The following WWOX variants were observed in gnomAD, a reference collection of about 807,000 sequenced individuals.
WWOX encodes WW domain-containing oxidoreductase.
In WWOX, 69 loss-of-function variants were observed where a neutral mutation model predicts 46.2. That is an observed-to-expected ratio of 1.49 (90% CI 1.23 to 1.82). The LOEUF is 1.82. Ranked by LOEUF, WWOX falls within the 40% of genes most tolerant of loss-of-function variation. The probability of loss-of-function intolerance (pLI) is 0.00; values close to 1 mark genes in which losing one functional copy is unlikely to be tolerated. For synonymous variants in WWOX, 359 were observed against 202.6 expected, an observed-to-expected ratio of 1.77 and a Z score of -6.56; for missense variants, 919 against 542.6, an observed-to-expected ratio of 1.69 and a Z score of -6.89.
chr16:78,778,175 A>G (rs1343195835), intron 8 of WWOX, among the ~76,000 whole-genome samples: 3 of 152,136 alleles, frequency 2.0e-5, no homozygotes, highest in Non-Finnish European at 4.4e-5. Flanking sequence ...TTAGCTTTAT[A>G]GTTAAATCAG....
intron 8 of WWOX, among the ~76,000 whole-genome samples, chr16:78,725,839 G>A (rs545720054): frequency 2.0e-5 from 3 of 152,004 alleles, no homozygotes; most frequent in African/African-American, 4.8e-5. Flanking sequence ...TCCTTGGCTT[G>A]TAGGTGCATC....
At chr16:78,824,505 G>T (rs928319713) in intron 8 of WWOX, among the ~76,000 whole-genome samples, 2 of 152,280 alleles carry the variant, frequency 1.3e-5, no homozygotes, top group South Asian at 2.1e-4. Flanking sequence ...GTATTAGTTT[G>T]TTTTTCACGC....
intron 8 of WWOX, chr16:79,101,512 G>C (rs1054955167): frequency 6.6e-6 from 1 of 152,126 alleles, no homozygotes; most frequent in Non-Finnish European, 1.5e-5. Flanking sequence ...CCATATCCCA[G>C]CCTAAGGGAA....
At chr16:79,185,987 A>G (rs1291365209) in intron 8 of WWOX, among the ~76,000 whole-genome samples, 1 of 151,684 alleles carries the variant, frequency 6.6e-6, no homozygotes, top group Non-Finnish European at 1.5e-5. Flanking sequence ...TGTGTGTATT[A>G]TTAATATGTC....
intron 6 of WWOX, among the ~76,000 whole-genome samples, chr16:78,403,070 T>A (rs749745082): frequency 5.9e-5 from 9 of 152,356 alleles, no homozygotes; most frequent in Non-Finnish European, 1.2e-4. Flanking sequence ...CTGAACTCTA[T>A]TACAGCTCCA....
intron 8 of WWOX, among the ~76,000 whole-genome samples, chr16:78,468,738 C>G (rs1304609626): frequency 1.3e-5 from 2 of 152,162 alleles, no homozygotes; most frequent in Non-Finnish European, 2.9e-5. Context: ...TGGTACTTAC[C>G]TCAAAGAATT....
chr16:78,334,829 C>CAT (rs1555521527), intron 5 of WWOX, among the ~76,000 whole-genome samples: 259 of 129,724 alleles, frequency 2.0e-3, no homozygotes, highest in African/African-American at 6.9e-3. Context: ...CACACACACA[C>CAT]ACATACACAC....
intron 8 of WWOX, among the ~76,000 whole-genome samples, chr16:78,565,586 C>T (rs1387049751): frequency 6.6e-6 from 1 of 152,156 alleles, no homozygotes; most frequent in Admixed American, 6.5e-5. Flanking sequence ...ATAATCACTC[C>T]ATCTCAGGGT....
At chr16:78,807,641 T>C (rs554675915) in intron 8 of WWOX, among the ~76,000 whole-genome samples, 2 of 152,288 alleles carry the variant, frequency 1.3e-5, no homozygotes, top group South Asian at 2.1e-4. Context: ...TGGAAAGAAA[T>C]ATTCTCTTAG....
chr16:78,379,745 C>G (rs1464082561), intron 5 of WWOX, among the ~76,000 whole-genome samples: 1 of 152,186 alleles, frequency 6.6e-6, no homozygotes, highest in Non-Finnish European at 1.5e-5. Flanking sequence ...CAGCTAATTC[C>G]TAGGCAATCT....
intron 8 of WWOX, among the ~76,000 whole-genome samples, chr16:78,954,182 A>ATGGG (rs1356971042): frequency 1.1e-4 from 16 of 152,194 alleles, no homozygotes; most frequent in Middle Eastern, 3.4e-3. Flanking sequence ...CTTTAGATGG[A>ATGGG]TGGGTGGATG....
chr16:78,677,526 A>C (rs1282334709), intron 8 of WWOX, among the ~76,000 whole-genome samples: 1 of 152,206 alleles, frequency 6.6e-6, no homozygotes, highest in Admixed American at 6.5e-5. Flanking sequence ...GTTACTCATT[A>C]GCAGCCTCTG....
At chr16:78,577,804 C>G (rs907233179) in intron 8 of WWOX, among the ~76,000 whole-genome samples, 5 of 152,128 alleles carry the variant, frequency 3.3e-5, no homozygotes, top group East Asian at 1.9e-4. Context: ...ATGTCAATGA[C>G]ATGACTTTCA....
In WWOX at chr16:78,961,907, G is replaced by C. The variant is rs114509314; in HGVS notation, c.1057-249701G>C. 1.2e-3 allele frequency among the ~76,000 whole-genome samples: 184 copies of C among 152,240 alleles called. 2 individuals are homozygous for C. The highest frequency in any genetic ancestry group is 4.3e-3 in the African/African-American group (178 of 41,526). ...ACATTGACTGCATCCAAGACCTATTGCCTTCAGATTTACATCAAGCACAAT... is the reference window on the plus strand; with the variant it reads ...ACATTGACTGCATCCAAGACCTATTCCCTTCAGATTTACATCAAGCACAAT... On this transcript the variant is annotated intron_variant, in intron 8 of 8. Coordinates refer to ENST00000566780, the MANE Select transcript of WWOX (RefSeq NM_016373.4).
At position 78,435,307 on chromosome 16, in the gene WWOX, C is replaced by T. The variant is rs1183575027; in HGVS notation, c.1056+2555C>T. Among the ~76,000 whole-genome samples, 18 of 152,308 alleles carry T rather than the reference C, an allele frequency of 1.2e-4. No individual in the cohort carries two copies. In the East Asian group the frequency reaches 3.5e-3, roughly 29 times the overall value. The stretch of plus-strand genomic sequence containing the variant: ...CCAACCTCCATGCCTAACTCCTTTG[C>T]CTACCCCACCAGTGTGCAGCAGCCT... On this transcript the variant is annotated intron_variant, in intron 8 of 8. Coordinates refer to ENST00000566780, the MANE Select transcript of WWOX (RefSeq NM_016373.4).
chr16:78,333,218 T>C (rs2080806138), intron 5 of WWOX, among the ~76,000 whole-genome samples: 1 of 151,646 alleles, frequency 6.6e-6, no homozygotes, highest in Admixed American at 6.6e-5. Context: ...ACCCAGGTAA[T>C]TTTTCATTTT....
intron 8 of WWOX, among the ~76,000 whole-genome samples, chr16:79,136,841 C>T (rs755436981): frequency 2.0e-5 from 3 of 152,192 alleles, no homozygotes; most frequent in Non-Finnish European, 4.4e-5. Flanking sequence ...TTAACATTTC[C>T]AGAATATGTG....
chr16:78,260,844 G>C (rs2079213978), intron 5 of WWOX, among the ~76,000 whole-genome samples: 1 of 148,992 alleles, frequency 6.7e-6, no homozygotes, highest in Non-Finnish European at 1.5e-5. Flanking sequence ...GGCTGAGGCA[G>C]GAGAATCACT....
chr16:78,750,857 G>A (rs940416665), intron 8 of WWOX, among the ~76,000 whole-genome samples: 2 of 152,174 alleles, frequency 1.3e-5, no homozygotes. Context: ...GTATTTCGTG[G>A]TGTATACGTA....
Sources: allele counts gnomAD v4.1 joint callset (sites outside exome capture counted in the v4.1 genomes callset), GRCh38; gene constraint gnomAD v4.1.1; transcripts MANE v1.5; gene names NCBI Gene and HGNC (gene_info 2026-07-23, HGNC 2026-07-21).